The following SHQ1 variants were observed in gnomAD, a reference collection of about 807,000 sequenced individuals.
SHQ1 encodes the protein protein SHQ1 homolog.
In SHQ1, 49 loss-of-function variants were observed where a neutral mutation model predicts 53.8. The ratio of observed to expected loss-of-function variants is 0.91; its 90% CI spans 0.72 to 1.16. The LOEUF is 1.16. SHQ1 is among the 50% of genes most tolerant of loss of function. The pLI is 0.00. For missense variants in SHQ1, 738 were observed against 683.1 expected, an observed-to-expected ratio of 1.08 and a Z score of -0.90; for synonymous variants, 243 against 251.0, an observed-to-expected ratio of 0.97 and a Z score of 0.30.
intron 9 of SHQ1, among the ~76,000 whole-genome samples, chr3:72,799,639 T>C (rs1344908701): frequency 1.3e-5 from 2 of 152,222 alleles, no homozygotes; most frequent in Non-Finnish European, 2.9e-5. Flanking sequence ...TAAGCTTCAA[T>C]TTTTGACTTA....
In SHQ1 at chr3:72,750,371, T is replaced by C. The variant is rs1477792302; in HGVS notation, c.1647A>G (p.Thr549=). 2 of 1,614,080 alleles carry C rather than the reference T, an allele frequency of 1.2e-6. No homozygotes were observed. Among genetic ancestry groups the C allele is most frequent in the African/African-American group, 1.3e-5 (1 of 74,920 alleles). The change falls in exon 11 of 11, where the codon ACA becomes ACG. Residue 549 remains threonine (T), a synonymous_variant. Transcript: ENST00000325599. ...TGCCCTTGGGTTCAGAAACCTGAACTGTAGTCTTCAGTTGTTCCCCAAGCT... is the reference window on the plus strand; with the variant it reads ...TGCCCTTGGGTTCAGAAACCTGAACCGTAGTCTTCAGTTGTTCCCCAAGCT... ...IEELGEQLKT[T]VQVSEPKGTT...
rs951986913 is a variant in SHQ1 at position 72,848,427 on chromosome 3, G to A, written c.-87C>T. On this transcript the variant is annotated 5_prime_UTR_variant, in exon 1 of 11. Transcript: ENST00000325599. The stretch of plus-strand genomic sequence containing the variant: ...CAAACTCTCCAACTCCCCACGCGCA[G>A]GAACTCTCGGTGTGAGGGACGGAGC... The A allele has an allele frequency of 1.9e-6, 3 of 1,558,336 alleles. No homozygotes were observed. The highest frequency in any genetic ancestry group is 1.9e-5 in the Admixed American group (1 of 51,696).
rs763349451 is a variant in SHQ1 at position 72,821,401 on chromosome 3, G to C, written c.727+3023C>G. ...AACCAGAGCTCAGGGGAAGCACGGC[G>C]TTTAACACTTCCATTTACAAGCCTT... On this transcript the variant is annotated intron_variant, in intron 6 of 10. Transcript: ENST00000325599. 3.3e-5 allele frequency among the ~76,000 whole-genome samples: 5 copies of C among 152,288 alleles called. No homozygotes were observed. In the South Asian group the frequency reaches 8.3e-4, roughly 25 times the overall value.
At chr3:72,825,180 T>A (rs995796781) in intron 5 of SHQ1, among the ~76,000 whole-genome samples, 5 of 152,022 alleles carry the variant, frequency 3.3e-5, no homozygotes, top group Non-Finnish European at 5.9e-5. Context: ...TGATGTGAAA[T>A]GAAGCAAATC....
rs1375071305 is a variant in SHQ1, at chr3:72,750,089, A to G, written c.*195T>C. On this transcript the variant is annotated 3_prime_UTR_variant, in exon 11 of 11. Transcript: ENST00000325599. Reference sequence around the variant, plus strand: ...ATAATAACAAGAAAAAAGTCTGTACATGTTTGGTACAGATGCGATTTTTTC... The same window carrying G: ...ATAATAACAAGAAAAAAGTCTGTACGTGTTTGGTACAGATGCGATTTTTTC... The G allele has an allele frequency of 1.7e-6, 1 of 575,912 alleles. No homozygotes were observed. Among genetic ancestry groups the G allele is most frequent in the Non-Finnish European group, 3.0e-6 (1 of 328,358 alleles). The allele number at this position is 575,912 out of a possible 1,614,324, so 35.7% of individuals were successfully genotyped here.
At position 72,848,344 on chromosome 3, in the gene SHQ1, C is replaced by CG. The variant is rs768519870; in HGVS notation, c.-5dup. ...GGTCGAACGCCGGGGTCAGCATCGCCGCACCGGACGCAAGGGCCGGCGCCG... is the reference window on the plus strand; with the variant it reads ...GGTCGAACGCCGGGGTCAGCATCGCCGGCACCGGACGCAAGGGCCGGCGCCG... On this transcript the variant is annotated 5_prime_UTR_variant, in exon 1 of 11. Transcript: ENST00000325599. 2 of 1,613,618 alleles carry CG rather than the reference C, an allele frequency of 1.2e-6. No individual in the cohort carries two copies. Among genetic ancestry groups the CG allele is most frequent in the Non-Finnish European group, 1.7e-6 (2 of 1,179,766 alleles).
chr3:72,842,867 A>G (rs904943291), intron 2 of SHQ1, among the ~76,000 whole-genome samples: 1 of 152,164 alleles, frequency 6.6e-6, no homozygotes, highest in Non-Finnish European at 1.5e-5. Flanking sequence ...TGAGGTCAAG[A>G]GATCAACACC....
chr3:72,804,067 C>G (rs982265396), intron 9 of SHQ1, among the ~76,000 whole-genome samples: 1 of 152,062 alleles, frequency 6.6e-6, no homozygotes, highest in African/African-American at 2.4e-5. Flanking sequence ...TAGGCACACA[C>G]AACTACGCCC....
At chr3:72,808,543 T>C (rs1707023421) in intron 9 of SHQ1, among the ~76,000 whole-genome samples, 1 of 152,178 alleles carries the variant, frequency 6.6e-6, no homozygotes, top group African/African-American at 2.4e-5. Flanking sequence ...TAGTAATGCC[T>C]GCTTCACAGG....
At chr3:72,756,411 G>A (rs954491886) in intron 10 of SHQ1, among the ~76,000 whole-genome samples, 1 of 152,136 alleles carries the variant, frequency 6.6e-6, no homozygotes, top group Non-Finnish European at 1.5e-5. Context: ...GAGTAGCTGG[G>A]ATTACAGGCA....
intron 9 of SHQ1, among the ~76,000 whole-genome samples, chr3:72,806,943 G>A (rs1206510663): frequency 6.6e-6 from 1 of 152,046 alleles, no homozygotes; most frequent in Non-Finnish European, 1.5e-5. Context: ...CACGCTCCCC[G>A]GCTAGTGAAC....
intron 10 of SHQ1, among the ~76,000 whole-genome samples, chr3:72,778,596 T>C (rs1706007633): frequency 6.6e-6 from 1 of 152,240 alleles, no homozygotes; most frequent in South Asian, 2.1e-4. Flanking sequence ...TTGTATTTTA[T>C]ATTTCATAAG....
Position 72,796,414 on chromosome 3 carries a change from C to T in SHQ1, c.1061-3378G>A, listed in dbSNP as rs533809711. Among the ~76,000 whole-genome samples, 4 of 152,328 alleles carry T rather than the reference C, an allele frequency of 2.6e-5. No homozygotes were observed. The South Asian group carries it at 6.2e-4, about 24-fold the overall frequency. ...AGCCATTACCTGATAAAATTATACA[C>T]AGCTTCACTTACCAGACATGCCTAA... On this transcript the variant is annotated intron_variant, in intron 9 of 10. Coordinates refer to ENST00000325599, the MANE Select transcript of SHQ1 (RefSeq NM_018130.3).
intron 2 of SHQ1, among the ~76,000 whole-genome samples, chr3:72,842,964 C>A (rs867477379): frequency 5.3e-5 from 8 of 151,790 alleles, no homozygotes; most frequent in African/African-American, 1.9e-4. Context: ...GTAGTCCCAG[C>A]TACTTGGGAG....
At chr3:72,830,512 A>C (rs1456311302) in intron 5 of SHQ1, among the ~76,000 whole-genome samples, 1 of 151,992 alleles carries the variant, frequency 6.6e-6, no homozygotes, top group Non-Finnish European at 1.5e-5. Flanking sequence ...AAAAAAAAGC[A>C]CTGAGCTAAA....
At chr3:72,828,217 G>T (rs748257010) in intron 5 of SHQ1, among the ~76,000 whole-genome samples, 5 of 152,098 alleles carry the variant, frequency 3.3e-5, no homozygotes, top group Non-Finnish European at 5.9e-5. Context: ...AAAACAATGC[G>T]GTAAAAAACA....
intron 10 of SHQ1, among the ~76,000 whole-genome samples, chr3:72,764,316 A>G (rs1051711077): frequency 6.6e-6 from 1 of 152,100 alleles, no homozygotes; most frequent in Non-Finnish European, 1.5e-5. Flanking sequence ...CCAGAGTGCT[A>G]GATTATTTGC....
At chr3:72,802,179 C>T (rs1007685288) in intron 9 of SHQ1, among the ~76,000 whole-genome samples, 1 of 152,200 alleles carries the variant, frequency 6.6e-6, no homozygotes, top group Non-Finnish European at 1.5e-5. Flanking sequence ...CCCTGGCACT[C>T]CCATTACTGG....
intron 9 of SHQ1, among the ~76,000 whole-genome samples, chr3:72,804,044 G>A (rs1317343645): frequency 2.0e-5 from 3 of 152,058 alleles, no homozygotes. Context: ...GGGATCCCAA[G>A]TAGTTAGGAC....
Sources: allele counts gnomAD v4.1 joint callset (sites outside exome capture counted in the v4.1 genomes callset), GRCh38; gene constraint gnomAD v4.1.1; transcripts MANE v1.5; gene names NCBI Gene and HGNC (gene_info 2026-07-23, HGNC 2026-07-21).